The following MGAM variants were observed in gnomAD, a reference collection of about 807,000 sequenced individuals.
MGAM encodes the protein maltase-glucoamylase.
A neutral mutation model predicts 358.8 loss-of-function variants in MGAM; 253 were observed. The ratio of observed to expected loss-of-function variants is 0.71; its 90% CI spans 0.64 to 0.78. MGAM has a LOEUF of 0.78. MGAM is among the 30% of genes least tolerant of loss of function. The probability of loss-of-function intolerance (pLI) is 0.00; values close to 1 mark genes in which losing one functional copy is unlikely to be tolerated. For synonymous variants in MGAM, 1,105 were observed against 1,227.1 expected (o/e 0.90, Z 2.08); for missense variants, 3,080 against 3,432.6 (o/e 0.90, Z 2.57).
intron 55 of MGAM, 101 bp downstream of exon 55, chr7:142,086,062 G>T (rs1269103066): frequency 6.7e-7 from 1 of 1,490,342 alleles, no homozygotes; most frequent in African/African-American, 1.4e-5. Context: ...TAGATAAATT[G>T]AAGTGTAGTA....
intron 21 of MGAM, among the ~76,000 whole-genome samples, chr7:142,046,034 T>TA (rs376346204): frequency 3.5e-5 from 1 of 28,278 alleles, no homozygotes; most frequent in African/African-American, 9.7e-5. Context: ...ATATGTAATA[T>TA]ATATTATATA....
intron 43 of MGAM, among the ~76,000 whole-genome samples, chr7:142,070,767 G>A (rs950248660): frequency 6.8e-6 from 1 of 146,330 alleles, no homozygotes; most frequent in African/African-American, 2.4e-5. Context: ...GGCAAATGTA[G>A]TTTGTATGGT....
chr7:142,100,697 A>G (rs1041272975), intron 67 of MGAM, 105 bp from the exon 68 acceptor site: 15 of 932,224 alleles, frequency 1.6e-5, no homozygotes, highest in African/African-American at 9.8e-5. Context: ...TGCAGTCTTT[A>G]TCCCCCAAAG....
chr7:141,987,322 A>G (rs943279729), intron 2 of MGAM, among the ~76,000 whole-genome samples: 2 of 152,164 alleles, frequency 1.3e-5, no homozygotes, highest in South Asian at 2.1e-4. Context: ...TACTCTCTAC[A>G]TGTGTATCCC....
rs188202270 is a variant in MGAM, at chr7:142,029,578, A to T, written c.1222-784A>T. Reference sequence around the variant, plus strand: ...CCTAGTGGTGTGAGATGTGAGAGGGAGTGTTTAGACAGGGAATTGAACACT... The same window carrying T: ...CCTAGTGGTGTGAGATGTGAGAGGGTGTGTTTAGACAGGGAATTGAACACT... On this transcript the variant is annotated intron_variant, in intron 10 of 70. Coordinates refer to ENST00000475668, the MANE Select transcript of MGAM (RefSeq NM_001365693.1). Among the ~76,000 whole-genome samples, 941 of 152,274 alleles carry T rather than the reference A, an allele frequency of 6.2e-3. 7 individuals are homozygous for T. Among genetic ancestry groups the T allele is most frequent in the Middle Eastern group, 0.017 (5 of 294 alleles).
chr7:142,091,846 C>T, intron 57 of MGAM, 67 bp from the exon 58 acceptor site: 2 of 1,359,404 alleles, frequency 1.5e-6, no homozygotes, highest in South Asian at 2.8e-5. Flanking sequence ...GTTGCATTCT[C>T]AGTAAGTGCC....
At chr7:142,101,917 AAAAGAAAG>A (rs1289935298) in intron 68 of MGAM, among the ~76,000 whole-genome samples, 2 of 151,594 alleles carry the variant, frequency 1.3e-5, no homozygotes, top group Admixed American at 1.3e-4. Flanking sequence ...TCAAAAAAAA[AAAAGAAAG>A]AAAGAAAGAA....
chr7:142,065,949 T>C, intron 40 of MGAM, 118 bp downstream of exon 40: 2 of 746,624 alleles, frequency 2.7e-6, no homozygotes, highest in Non-Finnish European at 4.0e-6. Context: ...AGGTGTTTTT[T>C]TTTGTTTTGT....
At chr7:142,042,839 T>A (rs1335272207) in intron 21 of MGAM, among the ~76,000 whole-genome samples, 9,458 of 44,488 alleles carry the variant, frequency 0.21, 1,265 homozygotes, top group Non-Finnish European at 0.31. Flanking sequence ...ATCTATATTA[T>A]ATATACATAT....
intron 21 of MGAM, 93 bp from the exon 22 acceptor site, chr7:142,047,692 T>A (rs1268097314): frequency 7.3e-6 from 9 of 1,233,656 alleles, no homozygotes; most frequent in Non-Finnish European, 9.4e-6. Context: ...TGCTAGTAAC[T>A]TTTCCAATTT....
Position 142,094,758 on chromosome 7 carries a change from T to A in MGAM, c.7353T>A (p.Asp2451Glu). ...TCCTCTTGTTTCAGACGGGAGCAGA[T>A]ATCTGTGGGTTCTTTCAAGATGCTG... is the stretch of plus-strand genomic sequence containing the variant. ...SLFGISYTGA[D>E]ICGFFQDAEY... Residue 2451 changes from aspartate to glutamate, a missense_variant, in exon 63 of 71, where the codon GAT becomes GAA. By Grantham distance (45) the Asp-to-Glu change is conservative. This residue lies in a region of MGAM where 932 missense variants were observed against 1,198.2 expected (regional missense o/e 0.78). Coordinates refer to ENST00000475668, the MANE Select transcript of MGAM (RefSeq NM_001365693.1). 1 of 1,613,804 alleles carries A rather than the reference T, an allele frequency of 6.2e-7. No individual in the cohort carries two copies.
intron 24 of MGAM, 123 bp from the exon 25 acceptor site, chr7:142,052,171 G>C (rs995981454): frequency 1.2e-6 from 1 of 821,676 alleles, no homozygotes; most frequent in African/African-American, 1.7e-5. Context: ...AAAGTCATAT[G>C]TTGCTTGGAT....
intron 3 of MGAM, 31 bp downstream of exon 3, chr7:142,008,736 G>C: frequency 6.3e-7 from 1 of 1,597,796 alleles, no homozygotes; most frequent in Non-Finnish European, 8.5e-7. Context: ...TTCCATTTTA[G>C]AATTTATGCA....
At chr7:142,039,432 A>G (rs1303746764) in intron 19 of MGAM, among the ~76,000 whole-genome samples, 1 of 152,048 alleles carries the variant, frequency 6.6e-6, no homozygotes, top group Non-Finnish European at 1.5e-5. Flanking sequence ...AAATCTTACA[A>G]GAATTCACTC....
intron 32 of MGAM, 26 bp downstream of exon 32, chr7:142,059,626 G>T: frequency 6.2e-7 from 1 of 1,610,538 alleles, no homozygotes; most frequent in Middle Eastern, 1.7e-4. Flanking sequence ...AATGTGTGCG[G>T]TCTGTTTGGG....
intron 2 of MGAM, among the ~76,000 whole-genome samples, chr7:141,986,987 T>G (rs1480368530): frequency 1.3e-5 from 2 of 152,202 alleles, no homozygotes; most frequent in East Asian, 3.9e-4. Flanking sequence ...GACAACTTTT[T>G]GCTCATAGGG....
Position 142,067,286 on chromosome 7 carries a change from G to A in MGAM, c.4920-55G>A. The A allele has an allele frequency of 3.4e-6, 4 of 1,181,168 alleles. 1 individual carries two copies. The highest frequency in any genetic ancestry group is 2.5e-5 in the South Asian group (2 of 79,258). The allele number at this position is 1,181,168 out of a possible 1,614,324, so 73.2% of individuals were successfully genotyped here. ...TCTGAACTTGAGGAGCTTCTTCAGAGTGTCGGGCTGGGGCTCTGTTGGGCT... is the reference window on the plus strand; with the variant it reads ...TCTGAACTTGAGGAGCTTCTTCAGAATGTCGGGCTGGGGCTCTGTTGGGCT... On this transcript the variant is annotated intron_variant, in intron 41 of 70. Transcript: ENST00000475668.
chr7:142,105,553 G>C (rs1365931446), intron 70 of MGAM, among the ~76,000 whole-genome samples: 1 of 152,226 alleles, frequency 6.6e-6, no homozygotes, highest in African/African-American at 2.4e-5. Context: ...CTCCCGGAGT[G>C]TTGGGATTAC....
intron 45 of MGAM, 144 bp from the exon 46 acceptor site, chr7:142,076,059 T>C: frequency 1.5e-6 from 1 of 680,508 alleles, no homozygotes; most frequent in Non-Finnish European, 2.6e-6. Context: ...GATGAATGAA[T>C]ACAATGGAAT....
Sources: allele counts gnomAD v4.1 joint callset (sites outside exome capture counted in the v4.1 genomes callset), GRCh38; gene constraint gnomAD v4.1.1; regional missense constraint gnomAD v4.1.1; transcripts MANE v1.5; gene names NCBI Gene and HGNC (gene_info 2026-07-23, HGNC 2026-07-21).